The following GRIA1 variants were observed in gnomAD, a reference collection of about 807,000 sequenced individuals.
GRIA1 encodes the protein glutamate receptor 1.
Under a neutral mutation model 99.2 loss-of-function variants are expected in GRIA1, and 31 were observed. The ratio of observed to expected loss-of-function variants is 0.31; its 90% CI spans 0.23 to 0.42. The LOEUF (loss-of-function observed/expected upper bound fraction) is 0.42. GRIA1 is among the 10% of genes least tolerant of loss of function. The pLI is 1.00. For synonymous variants in GRIA1, 438 were observed against 432.4 expected (o/e 1.01, Z -0.16); for missense variants, 782 against 1,157.5 (o/e 0.68, Z 4.71).
At chr5:153,801,462 CCA>C (rs1766022240) in intron 14 of GRIA1, among the ~76,000 whole-genome samples, 2 of 152,134 alleles carry the variant, frequency 1.3e-5, no homozygotes, top group Admixed American at 1.3e-4. Context: ...TCCTCTGGCT[CCA>C]CAGGGTGAGC....
intron 11 of GRIA1, among the ~76,000 whole-genome samples, chr5:153,750,460 G>A (rs575965431): frequency 1.3e-5 from 2 of 152,138 alleles, no homozygotes; most frequent in Non-Finnish European, 2.9e-5. Flanking sequence ...TCTTGGGGAT[G>A]ACACGACGTG....
intron 2 of GRIA1, among the ~76,000 whole-genome samples, chr5:153,550,839 C>T (rs1208734956): frequency 6.6e-6 from 1 of 152,142 alleles, no homozygotes; most frequent in Non-Finnish European, 1.5e-5. Context: ...CCCAGAGGTT[C>T]TAATTCAGTA....
In GRIA1 at chr5:153,594,790, T is replaced by A. The variant is rs1415167131; in HGVS notation, c.221-52138T>A. On this transcript the variant is annotated intron_variant, in intron 2 of 15. Coordinates refer to ENST00000285900, the MANE Select transcript of GRIA1 (RefSeq NM_000827.4). Reference sequence around the variant, plus strand: ...CTAGAGTCTAAATACTTTGTCTTCTTCAGAGTCCACCCCCAGTCTTCTGCT... The same window carrying A: ...CTAGAGTCTAAATACTTTGTCTTCTACAGAGTCCACCCCCAGTCTTCTGCT... Among the ~76,000 whole-genome samples the A allele has an allele frequency of 4.6e-5, 7 of 151,714 alleles. 1 individual carries two copies. The highest frequency in any genetic ancestry group is 3.3e-4 in the Admixed American group (5 of 15,212).
intron 11 of GRIA1, among the ~76,000 whole-genome samples, chr5:153,730,797 G>A (rs562339293): frequency 6.6e-6 from 1 of 152,208 alleles, no homozygotes; most frequent in African/African-American, 2.4e-5. Flanking sequence ...GCAGTTAGGA[G>A]AAGGAAGGAA....
chr5:153,586,639 C>T (rs1436291892), intron 2 of GRIA1, among the ~76,000 whole-genome samples: 1 of 152,152 alleles, frequency 6.6e-6, no homozygotes, highest in Admixed American at 6.5e-5. Context: ...CACTCAGAGA[C>T]CTCGGTGAGT....
intron 10 of GRIA1, among the ~76,000 whole-genome samples, chr5:153,701,724 T>C (rs534637699): frequency 1.3e-5 from 2 of 152,000 alleles, no homozygotes; most frequent in East Asian, 3.9e-4. Flanking sequence ...TTCTGTTCCC[T>C]TGGGGAAGAA....
chr5:153,507,845 ACTTAC>A (rs1755686558), intron 2 of GRIA1, among the ~76,000 whole-genome samples: 1 of 152,128 alleles, frequency 6.6e-6, no homozygotes. Flanking sequence ...TCCTTTTGAG[ACTTAC>A]CTAAACCCTA....
chr5:153,699,170 G>C, intron 10 of GRIA1, 97 bp downstream of exon 10: 1 of 809,326 alleles, frequency 1.2e-6, no homozygotes, highest in East Asian at 2.6e-5. Context: ...AGATGTCTAT[G>C]AAACCCTGTA....
At chr5:153,616,201 G>A (rs1167810213) in intron 2 of GRIA1, among the ~76,000 whole-genome samples, 7 of 152,080 alleles carry the variant, frequency 4.6e-5, no homozygotes, top group Admixed American at 6.5e-5. Context: ...CAATCCTATC[G>A]TTCAAGTCCC....
rs867301385 is a variant in GRIA1 at position 153,655,870 on chromosome 5, C to A, written c.697C>A (p.Leu233Met). 6.2e-7 allele frequency: 1 copy of A among 1,613,042 alleles called. No homozygotes were observed. Among genetic ancestry groups the A allele is most frequent in the Non-Finnish European group, 8.5e-7 (1 of 1,179,342 alleles). The change falls in exon 5 of 16, where the codon CTG becomes ATG. Residue 233 changes from leucine (L) to methionine (M), a missense_variant and splice_region_variant. Physicochemically the swap from Leu to Met is conservative, Grantham distance 15 (BLOSUM62 2). Around this residue, in one of 5 missense-constraint regions of GRIA1, gnomAD observed 461 missense variants for 521.7 expected, o/e 0.88. Transcript: ENST00000285900. ...CGGCTACCACTACATTCTTGCAAAT[C>A]TGGTGAGTAGAGCACTGCAGGCTCT... ...GIGYHYILAN[L>M]GFMDIDLNKF... is the part of the protein sequence containing the mutation.
Position 153,778,192 on chromosome 5 carries a change from AGTGTGTGT to A in GRIA1, c.2270+7804_2270+7811del, listed in dbSNP as rs61414750. On this transcript the variant is annotated intron_variant, in intron 13 of 15. Coordinates refer to ENST00000285900, the MANE Select transcript of GRIA1 (RefSeq NM_000827.4). The stretch of plus-strand genomic sequence containing the variant: ...CAGAGAGACAGAGAGAGAGAGAGAG[AGTGTGTGT>A]GTGTGTGTGTGTGTGTGTGTGTGTG... Among the ~76,000 whole-genome samples the A allele has an allele frequency of 2.4e-3, 90 of 37,352 alleles. No homozygotes were observed. In the Middle Eastern group the frequency reaches 0.037, roughly 16 times the overall value. The allele number at this position is 37,352 out of a possible 152,430, so 24.5% of individuals were successfully genotyped here. A position where few individuals can be genotyped will look rare whatever the true frequency, so the allele number is the denominator to read the frequency against.
chr5:153,646,533 C>T (rs992931886), intron 2 of GRIA1, among the ~76,000 whole-genome samples: 4 of 152,200 alleles, frequency 2.6e-5, no homozygotes, highest in Non-Finnish European at 4.4e-5. Flanking sequence ...ATGACCCAGT[C>T]ATCCCTTTCT....
chr5:153,782,120 T>C (rs1164647289), intron 13 of GRIA1, among the ~76,000 whole-genome samples: 1 of 152,236 alleles, frequency 6.6e-6, no homozygotes, highest in Non-Finnish European at 1.5e-5. Context: ...GCAAGCAATC[T>C]CTAAATTCTC....
intron 2 of GRIA1, among the ~76,000 whole-genome samples, chr5:153,579,167 C>A (rs973877842): frequency 1.3e-5 from 2 of 152,184 alleles, no homozygotes; most frequent in African/African-American, 4.8e-5. Flanking sequence ...CAATAACCAT[C>A]ATTTCCCCAA....
intron 2 of GRIA1, among the ~76,000 whole-genome samples, chr5:153,557,510 CTT>C (rs1421877639): frequency 6.6e-6 from 1 of 152,192 alleles, no homozygotes; most frequent in Non-Finnish European, 1.5e-5. Context: ...CTTTTTGACT[CTT>C]TTGTAGTAAC....
chr5:153,499,929 A>G (rs1241280607), intron 2 of GRIA1, among the ~76,000 whole-genome samples: 1 of 152,120 alleles, frequency 6.6e-6, no homozygotes, highest in Non-Finnish European at 1.5e-5. Flanking sequence ...CATGTGGTGG[A>G]GATTTGGGAG....
chr5:153,641,142 C>T (rs1753752269), intron 2 of GRIA1, among the ~76,000 whole-genome samples: 4 of 152,020 alleles, frequency 2.6e-5, no homozygotes, highest in Admixed American at 2.6e-4. Context: ...CTGAAAGTCC[C>T]CCCATTCACA....
At chr5:153,503,185 G>T (rs1330607001) in intron 2 of GRIA1, among the ~76,000 whole-genome samples, 1 of 151,890 alleles carries the variant, frequency 6.6e-6, no homozygotes, top group Non-Finnish European at 1.5e-5. Flanking sequence ...TTAATCATTT[G>T]TACATATTTT....
At chr5:153,555,371 G>A (rs926258778) in intron 2 of GRIA1, among the ~76,000 whole-genome samples, 7 of 151,530 alleles carry the variant, frequency 4.6e-5, no homozygotes, top group African/African-American at 7.3e-5. Context: ...TCCTACCAAC[G>A]AAGAGAAATT....
Sources: gnomAD v4.1 joint callset for allele counts (sites outside exome capture counted in the v4.1 genomes callset) on GRCh38, gnomAD v4.1.1 for gene constraint, gnomAD v4.1.1 regional missense constraint, MANE v1.5 for transcripts, NCBI Gene and HGNC (gene_info 2026-07-23, HGNC 2026-07-21) for gene names.